The following HNF4A variants were observed in gnomAD, a reference collection of about 807,000 sequenced individuals.
HNF4A encodes the protein hepatocyte nuclear factor 4-alpha.
In HNF4A, 15 loss-of-function variants were observed where a neutral mutation model predicts 52.4. The observed-to-expected ratio is 0.29, with a 90% CI of 0.19 to 0.44. The LOEUF (loss-of-function observed/expected upper bound fraction) is 0.44, where lower values mean the gene tolerates loss of function less well. Ranked by LOEUF, HNF4A falls within the 20% of genes least tolerant of loss-of-function variation. The pLI, the probability that HNF4A is intolerant of heterozygous loss-of-function variation, is 1.00. For synonymous variants in HNF4A, 280 were observed against 264.4 expected, an observed-to-expected ratio of 1.06 and a Z score of -0.57; for missense variants, 479 against 647.2, an observed-to-expected ratio of 0.74 and a Z score of 2.82.
At chr20:44,406,490 G>A (rs1268677780) in intron 2 of HNF4A, among the ~76,000 whole-genome samples, 2 of 152,216 alleles carry the variant, frequency 1.3e-5, no homozygotes, top group African/African-American at 4.8e-5. Flanking sequence ...GTCTTTGTGT[G>A]TATTTACCCA....
chr20:44,390,916 CT>C (rs2063295273), intron 1 of HNF4A, among the ~76,000 whole-genome samples: 1 of 152,170 alleles, frequency 6.6e-6, no homozygotes, highest in Non-Finnish European at 1.5e-5. Flanking sequence ...TAGTCCAAGG[CT>C]GCCTAAAGAC....
chr20:44,412,193 A>T (rs1259200719), intron 3 of HNF4A, among the ~76,000 whole-genome samples: 3 of 152,194 alleles, frequency 2.0e-5, no homozygotes, highest in African/African-American at 7.2e-5. Context: ...AACTAGAGGG[A>T]TGGAGTTTTG....
upstream of HNF4A, among the ~76,000 whole-genome samples, chr20:44,400,455 G>A (rs2063392919): frequency 6.6e-6 from 1 of 152,164 alleles, no homozygotes; most frequent in South Asian, 2.1e-4. Flanking sequence ...TTACAGAAAA[G>A]GAAACTGAGG....
intron 1 of HNF4A, among the ~76,000 whole-genome samples, chr20:44,403,245 G>A (rs1195534843): frequency 1.3e-5 from 2 of 152,190 alleles, no homozygotes; most frequent in Non-Finnish European, 2.9e-5. Flanking sequence ...TCCAGCTCTG[G>A]AACCAGAAAG....
intron 1 of HNF4A, among the ~76,000 whole-genome samples, chr20:44,384,235 C>A (rs1328185874): frequency 6.9e-6 from 1 of 144,286 alleles, no homozygotes; most frequent in Non-Finnish European, 1.5e-5. Context: ...AGTATTAAGT[C>A]AGGATTTGAT....
chr20:44,410,111 G>A (rs888329571), intron 3 of HNF4A, among the ~76,000 whole-genome samples: 8 of 152,232 alleles, frequency 5.3e-5, no homozygotes, highest in African/African-American at 1.9e-4. Context: ...GGGATTATAG[G>A]CATGAGCCAC....
At chr20:44,375,642 T>C (rs1259648575) in intron 1 of HNF4A, among the ~76,000 whole-genome samples, 3 of 152,066 alleles carry the variant, frequency 2.0e-5, no homozygotes, top group Non-Finnish European at 4.4e-5. Flanking sequence ...ACTGTGGGTG[T>C]TGGAAGGGAA....
At chr20:44,402,678 T>C (rs546949365) in intron 1 of HNF4A, 3 of 1,262,330 alleles carry the variant, frequency 2.4e-6, no homozygotes, top group South Asian at 2.4e-5. Context: ...AAACCCCTCC[T>C]GGAGGGAAGA....
intron 1 of HNF4A, among the ~76,000 whole-genome samples, chr20:44,375,485 A>T (rs2063075279): frequency 6.6e-6 from 1 of 151,108 alleles, no homozygotes; most frequent in Non-Finnish European, 1.5e-5. Context: ...TTTGCCAGGG[A>T]AATGTTTTTG....
rs11574742 is a variant in HNF4A at position 44,419,506 on chromosome 20, C to G, written c.737-215C>G. ...GAGCTTGGGTCATGTGAAAGAGGTC[C>G]TAGAAAGCCAAGTTCCAAGCTCAGC... On this transcript the variant is annotated intron_variant, in intron 6 of 9. Coordinates refer to ENST00000316099, the MANE Select transcript of HNF4A (RefSeq NM_000457.6). Among the ~76,000 whole-genome samples, 354 of 152,228 alleles carry G rather than the reference C, an allele frequency of 2.3e-3. 2 individuals are homozygous for G. Among genetic ancestry groups the G allele is most frequent in the African/African-American group, 7.3e-3 (302 of 41,538 alleles).
intron 1 of HNF4A, among the ~76,000 whole-genome samples, chr20:44,378,442 A>G (rs899833359): frequency 7.1e-4 from 107 of 151,598 alleles, no homozygotes; most frequent in African/African-American, 2.5e-3. Context: ...TGATTTTTGT[A>G]TTTTTAGTAG....
intron 7 of HNF4A, among the ~76,000 whole-genome samples, chr20:44,422,321 A>AG (rs1376057349): frequency 6.6e-6 from 1 of 152,152 alleles, no homozygotes; most frequent in Non-Finnish European, 1.5e-5. Context: ...ACTGATGCTG[A>AG]GTCAGAGGCA....
At chr20:44,375,308 C>A (rs896810654) in intron 1 of HNF4A, among the ~76,000 whole-genome samples, 2 of 151,932 alleles carry the variant, frequency 1.3e-5, no homozygotes, top group Admixed American at 1.3e-4. Flanking sequence ...TCCTTGTAGA[C>A]CTTTGTTGGA....
At chr20:44,411,124 A>G (rs561016027) in intron 3 of HNF4A, among the ~76,000 whole-genome samples, 4 of 152,252 alleles carry the variant, frequency 2.6e-5, no homozygotes, top group Non-Finnish European at 5.9e-5. Context: ...GGCTCCTGGC[A>G]TCAAAAACCC....
chr20:44,385,170 A>C (rs2063207984), intron 1 of HNF4A, among the ~76,000 whole-genome samples: 1 of 145,436 alleles, frequency 6.9e-6, no homozygotes, highest in African/African-American at 2.6e-5. Context: ...TATCTAGGGA[A>C]GGGTAATAAT....
At chr20:44,421,937 C>G (rs1458060883) in intron 7 of HNF4A, among the ~76,000 whole-genome samples, 1 of 148,914 alleles carries the variant, frequency 6.7e-6, no homozygotes, top group Non-Finnish European at 1.5e-5. Context: ...AAGATGAGCC[C>G]CATGTATTGA....
chr20:44,366,239 T>C (rs2062968830), intron 1 of HNF4A, among the ~76,000 whole-genome samples: 1 of 152,202 alleles, frequency 6.6e-6, no homozygotes, highest in South Asian at 2.1e-4. Flanking sequence ...TTATGTATAT[T>C]TATGGATTTG....
At position 44,429,601 on chromosome 20, in the gene HNF4A, C is replaced by A; in HGVS notation, c.1361C>A (p.Ala454Asp). ...TATAAGCTCCTGCCGGGAGCCGTCG[C>A]CACAATCGTCAAGCCCCTCTCTGCC... Residue 454 changes from alanine to aspartate, a missense_variant, in exon 10 of 10, where the codon GCC becomes GAC. Ala to Asp is a moderately radical substitution (Grantham distance 126). Coordinates refer to ENST00000316099, the MANE Select transcript of HNF4A (RefSeq NM_000457.6). 1 of 1,614,100 alleles carries A rather than the reference C, an allele frequency of 6.2e-7. No individual in the cohort carries two copies. Among genetic ancestry groups the A allele is most frequent in the East Asian group, 2.2e-5 (1 of 44,842 alleles).
At chr20:44,361,100 C>T (rs1300436692) in intron 1 of HNF4A, among the ~76,000 whole-genome samples, 1 of 152,106 alleles carries the variant, frequency 6.6e-6, no homozygotes. Flanking sequence ...TCCAGCCCTT[C>T]CCCTATCTCC....
Sources: allele counts gnomAD v4.1 joint callset (sites outside exome capture counted in the v4.1 genomes callset), GRCh38; gene constraint gnomAD v4.1.1; transcripts MANE v1.5; gene names NCBI Gene and HGNC (gene_info 2026-07-23, HGNC 2026-07-21).